Variants in ITK observed in about 807,000 individuals in gnomAD.
The protein encoded by ITK is IL2 inducible T cell kinase, also known as tyrosine-protein kinase ITK/TSK.
A neutral mutation model predicts 87.6 loss-of-function variants in ITK; 45 were observed. The observed-to-expected ratio is 0.51, with a 90% CI of 0.40 to 0.66. ITK has a LOEUF of 0.66. ITK is among the 30% of genes least tolerant of loss of function. The pLI is 0.00. For synonymous variants in ITK, 303 were observed against 273.6 expected, an observed-to-expected ratio of 1.11 and a Z score of -1.06; for missense variants, 605 against 766.3, an observed-to-expected ratio of 0.79 and a Z score of 2.48.
chr5:157,245,703 T>A (rs1424411620), intron 13 of ITK, 23 bp from the exon 14 acceptor site: 2 of 1,609,534 alleles, frequency 1.2e-6, no homozygotes, highest in Non-Finnish European at 1.7e-6. Flanking sequence ...CTCTCCGCCT[T>A]TGTTTGCCTG....
chr5:157,249,116 A>C, intron 16 of ITK, 109 bp downstream of exon 16: 1 of 918,342 alleles, frequency 1.1e-6, no homozygotes, highest in Non-Finnish European at 1.8e-6. Flanking sequence ...AGGGATAACT[A>C]ATATAGATTA....
intron 1 of ITK, among the ~76,000 whole-genome samples, chr5:157,190,187 C>A (rs1368284058): frequency 6.6e-6 from 1 of 152,054 alleles, no homozygotes; most frequent in Non-Finnish European, 1.5e-5. Flanking sequence ...TGTAAGTAGG[C>A]TTCTCATTAT....
chr5:157,243,565 C>A, intron 11 of ITK, 58 bp from the exon 12 acceptor site: 2 of 1,427,472 alleles, frequency 1.4e-6, no homozygotes, highest in Non-Finnish European at 2.0e-6. Context: ...CCCCTGGTAT[C>A]CCAATACCTT....
intron 13 of ITK, chr5:157,245,417 G>A (rs1270622736): frequency 4.2e-6 from 2 of 472,348 alleles, no homozygotes; most frequent in Admixed American, 3.3e-5. Context: ...TATCCCTGAT[G>A]TTAACATTTC....
Position 157,232,325 on chromosome 5 carries a change from T to C in ITK, c.714-15T>C. 6.3e-7 allele frequency: 1 copy of C among 1,593,824 alleles called. No homozygotes were observed. The highest frequency in any genetic ancestry group is 8.6e-7 in the Non-Finnish European group (1 of 1,162,198). ...TAAAATATGTCATTGACATATGACT[T>C]TTCCTTGCTTTCAGGTGGTACAATA... On this transcript the variant is annotated splice_polypyrimidine_tract_variant and intron_variant, in intron 7 of 16. Transcript: ENST00000422843.
At chr5:157,250,888 A>G (rs1304302402) in intron 16 of ITK, among the ~76,000 whole-genome samples, 1 of 152,222 alleles carries the variant, frequency 6.6e-6, no homozygotes, top group African/African-American at 2.4e-5. Context: ...GCTAAATAAT[A>G]TTCCATTGTA....
intron 16 of ITK, among the ~76,000 whole-genome samples, chr5:157,252,135 A>G (rs540417418): frequency 6.6e-6 from 1 of 152,282 alleles, no homozygotes; most frequent in Middle Eastern, 3.4e-3. Flanking sequence ...ATATCTGTCC[A>G]TTTATTTAGA....
chr5:157,187,524 A>T (rs1455435357), intron 1 of ITK, among the ~76,000 whole-genome samples: 1 of 152,228 alleles, frequency 6.6e-6, no homozygotes, highest in Non-Finnish European at 1.5e-5. Context: ...ATAGGACTTC[A>T]AAAGGGAGAT....
At chr5:157,210,162 G>A (rs1160157356) in intron 2 of ITK, among the ~76,000 whole-genome samples, 2 of 152,158 alleles carry the variant, frequency 1.3e-5, no homozygotes, top group Non-Finnish European at 2.9e-5. Flanking sequence ...CTGACCTCGT[G>A]ATCGACCCGC....
At chr5:157,184,282 C>T (rs1753598519) in intron 1 of ITK, among the ~76,000 whole-genome samples, 1 of 152,120 alleles carries the variant, frequency 6.6e-6, no homozygotes, top group African/African-American at 2.4e-5. Context: ...ATAGTGTTTG[C>T]CAATTCCTTT....
chr5:157,200,516 AC>A (rs1753944190), intron 1 of ITK, among the ~76,000 whole-genome samples: 2 of 152,260 alleles, frequency 1.3e-5, no homozygotes, highest in South Asian at 4.1e-4. Context: ...GGGCTCATTG[AC>A]CAGCCACCCC....
chr5:157,209,205 G>A (rs889427258), intron 2 of ITK, among the ~76,000 whole-genome samples: 3 of 152,036 alleles, frequency 2.0e-5, no homozygotes, highest in African/African-American at 4.8e-5. Context: ...ACTGGCGGGC[G>A]CCTGTTATCC....
At chr5:157,223,038 TC>T (rs777291385) in intron 6 of ITK, 24 bp downstream of exon 6, 7 of 1,613,828 alleles carry the variant, frequency 4.3e-6, no homozygotes, top group Non-Finnish European at 5.9e-6. Flanking sequence ...GTGGCTGCTG[TC>T]CCCGTGTTTG....
intron 1 of ITK, among the ~76,000 whole-genome samples, chr5:157,205,247 A>G (rs187543297): frequency 2.0e-5 from 3 of 152,306 alleles, no homozygotes; most frequent in East Asian, 1.9e-4. Context: ...GGGAAGTTTA[A>G]TGAATTGCCC....
At chr5:157,211,057 G>T (rs1313567307) in intron 2 of ITK, among the ~76,000 whole-genome samples, 4 of 152,038 alleles carry the variant, frequency 2.6e-5, no homozygotes, top group Non-Finnish European at 5.9e-5. Flanking sequence ...TTAGTTTAGT[G>T]ATTGCTCTCT....
intron 1 of ITK, among the ~76,000 whole-genome samples, chr5:157,206,990 A>G (rs893269250): frequency 1.3e-5 from 2 of 152,164 alleles, no homozygotes; most frequent in African/African-American, 2.4e-5. Flanking sequence ...ACATTGGTAA[A>G]TTTTATTATA....
chr5:157,189,162 A>C (rs1462000153), intron 1 of ITK, among the ~76,000 whole-genome samples: 3 of 152,186 alleles, frequency 2.0e-5, no homozygotes, highest in African/African-American at 7.2e-5. Context: ...GTTTTAATGG[A>C]GTGTCATCAT....
chr5:157,250,734 T>C (rs1299091666), intron 16 of ITK, among the ~76,000 whole-genome samples: 3 of 152,030 alleles, frequency 2.0e-5, no homozygotes, highest in Admixed American at 6.6e-5. Flanking sequence ...CCCAGGTGAG[T>C]TCAGGCAATC....
At chr5:157,196,779 T>C (rs1014652708) in intron 1 of ITK, among the ~76,000 whole-genome samples, 5 of 152,230 alleles carry the variant, frequency 3.3e-5, no homozygotes, top group East Asian at 1.9e-4. Context: ...TATGCACTTA[T>C]GTATTTTGGC....
Sources: allele counts gnomAD v4.1 joint callset (sites outside exome capture counted in the v4.1 genomes callset), GRCh38; gene constraint gnomAD v4.1.1; transcripts MANE v1.5; gene names NCBI Gene and HGNC (gene_info 2026-07-23, HGNC 2026-07-21).